ADGB: variants seen among roughly 807,000 people sequenced by gnomAD.
The protein encoded by ADGB is androglobin.
In ADGB, 172 loss-of-function variants were observed where a neutral mutation model predicts 210.5. That is an observed-to-expected ratio of 0.82 (90% confidence interval 0.72 to 0.93). The LOEUF (loss-of-function observed/expected upper bound fraction) is 0.93, where lower values mean the gene tolerates loss of function less well. Ranked by LOEUF, ADGB falls within the 40% of genes least tolerant of loss-of-function variation. The probability of loss-of-function intolerance (pLI) is 0.00; values close to 1 mark genes in which losing one functional copy is unlikely to be tolerated. For synonymous variants in ADGB, 658 were observed against 662.7 expected, an observed-to-expected ratio of 0.99 and a Z score of 0.11; for missense variants, 2,025 against 1,964.8, an observed-to-expected ratio of 1.03 and a Z score of -0.58.
intron 2 of ADGB, among the ~76,000 whole-genome samples, chr6:146,643,746 G>T (rs902677484): frequency 6.6e-6 from 1 of 151,792 alleles, no homozygotes; most frequent in Non-Finnish European, 1.5e-5. Context: ...GCCCAATCCT[G>T]GAAACAGCCC....
intron 19 of ADGB, 121 bp downstream of exon 19, chr6:146,726,318 T>C: frequency 1.7e-6 from 1 of 582,146 alleles, no homozygotes; most frequent in East Asian, 3.1e-5. Flanking sequence ...GCCTTCCAGG[T>C]TCAAGCAATT....
chr6:146,807,150 A>T (rs1778223630), intron 35 of ADGB, among the ~76,000 whole-genome samples: 1 of 152,220 alleles, frequency 6.6e-6, no homozygotes, highest in Admixed American at 6.5e-5. Flanking sequence ...TTGGTAAAAA[A>T]AAGTATGTTT....
intron 13 of ADGB, among the ~76,000 whole-genome samples, chr6:146,708,759 T>C (rs1033563731): frequency 5.3e-5 from 8 of 152,130 alleles, no homozygotes; most frequent in African/African-American, 1.9e-4. Context: ...TTTCCCCAGA[T>C]TTGAGAAGTT....
Position 146,781,199 on chromosome 6 carries a change from C to A in ADGB, c.3863-821C>A, listed in dbSNP as rs553074832. Among the ~76,000 whole-genome samples the A allele has an allele frequency of 1.0e-4, 14 of 137,562 alleles. No homozygotes were observed. The East Asian group carries it at 2.7e-3, about 27-fold the overall frequency. The allele number at this position is 137,562 out of a possible 152,430, so 90.2% of individuals were successfully genotyped here. A position where few individuals can be genotyped will look rare whatever the true frequency, so the allele number is the denominator to read the frequency against. ...AAAAAAAAAAAAAAAAAAAATTAGC[C>A]GGGCGTGGTGGCGGGCACCTGTAGT... On this transcript the variant is annotated intron_variant, in intron 29 of 35. Transcript: ENST00000397944.
At chr6:146,763,810 G>C (rs1016046031) in intron 27 of ADGB, 91 bp from the exon 28 acceptor site, 2 of 1,128,344 alleles carry the variant, frequency 1.8e-6, no homozygotes, top group East Asian at 2.6e-5. Context: ...CTATTCCTTT[G>C]AGTGTTTTAT....
chr6:146,609,764 A>G (rs1198929339), intron 1 of ADGB, among the ~76,000 whole-genome samples: 1 of 152,190 alleles, frequency 6.6e-6, no homozygotes, highest in Non-Finnish European at 1.5e-5. Flanking sequence ...AGGATCTTGA[A>G]TATAGGCCTC....
intron 13 of ADGB, among the ~76,000 whole-genome samples, chr6:146,707,783 T>C (rs1776596148): frequency 6.6e-6 from 1 of 152,122 alleles, no homozygotes; most frequent in Non-Finnish European, 1.5e-5. Flanking sequence ...GTTTTTTAAA[T>C]ACATTTTGCC....
intron 26 of ADGB, among the ~76,000 whole-genome samples, chr6:146,749,230 C>G (rs532166432): frequency 3.9e-5 from 6 of 152,254 alleles, no homozygotes; most frequent in African/African-American, 1.4e-4. Context: ...AGGAAGACAA[C>G]TGATTCCTTT....
chr6:146,674,720 G>A (rs1776063442), intron 8 of ADGB, among the ~76,000 whole-genome samples: 1 of 152,170 alleles, frequency 6.6e-6, no homozygotes, highest in African/African-American at 2.4e-5. Context: ...TATCTCCAGT[G>A]GGACTCAGCT....
rs1180744947 is a variant in ADGB, at chr6:146,736,576, C to A, written c.2873C>A (p.Ala958Glu). 3 of 1,546,576 alleles carry A rather than the reference C, an allele frequency of 1.9e-6. No homozygotes were observed. The highest frequency in any genetic ancestry group is 4.0e-5 in the Admixed American group (2 of 50,470). Residue 958 changes from alanine (A) to glutamate (E), a missense_variant, in exon 23 of 36, where the codon GCA becomes GAA. Ala to Glu is a moderately radical substitution (Grantham distance 107). Transcript: ENST00000397944. Reference protein sequence around the residue: ...AVLEMNLEQYAVSLLRLMFKS... With the variant: ...AVLEMNLEQYEVSLLRLMFKS... Reference sequence around the variant, plus strand: ...TTGGAAATGAATTTAGAACAGTATGCAGTTTCTCTCTTAAGGTAAAGCAGT... The same window carrying A: ...TTGGAAATGAATTTAGAACAGTATGAAGTTTCTCTCTTAAGGTAAAGCAGT...
intron 23 of ADGB, among the ~76,000 whole-genome samples, chr6:146,739,110 GT>G (rs1275367108): frequency 6.6e-6 from 1 of 152,174 alleles, no homozygotes; most frequent in African/African-American, 2.4e-5. Flanking sequence ...AACAGTGACA[GT>G]CTGGGAAGAC....
intron 12 of ADGB, among the ~76,000 whole-genome samples, chr6:146,695,855 A>G (rs2114927328): frequency 6.6e-6 from 1 of 152,204 alleles, no homozygotes. Flanking sequence ...TCATTCATTC[A>G]TATAATGCAA....
chr6:146,727,127 C>T (rs1430593447), intron 19 of ADGB, among the ~76,000 whole-genome samples: 1 of 151,758 alleles, frequency 6.6e-6, no homozygotes, highest in African/African-American at 2.4e-5. Flanking sequence ...TGCAGACAGC[C>T]TTCCCACTGC....
intron 8 of ADGB, 147 bp downstream of exon 8, chr6:146,672,614 G>C (rs1776025585): frequency 1.1e-6 from 1 of 936,450 alleles, no homozygotes; most frequent in Non-Finnish European, 1.5e-6. Context: ...GGAATTCAAG[G>C]CAGGTCACAG....
intron 8 of ADGB, among the ~76,000 whole-genome samples, chr6:146,672,756 G>A (rs1422549823): frequency 4.1e-5 from 6 of 144,820 alleles, no homozygotes; most frequent in Non-Finnish European, 9.0e-5. Flanking sequence ...TTGGGATGTA[G>A]TTGCGCTCTT....
chr6:146,666,080 A>T (rs759865458), intron 6 of ADGB, among the ~76,000 whole-genome samples: 2 of 152,076 alleles, frequency 1.3e-5, no homozygotes, highest in Non-Finnish European at 2.9e-5. Context: ...TGTGACTAAG[A>T]TAGTAAGATT....
chr6:146,664,050 G>T (rs540267751), intron 5 of ADGB, 151 bp from the exon 6 acceptor site: 21 of 702,182 alleles, frequency 3.0e-5, no homozygotes, highest in Middle Eastern at 3.1e-4. Context: ...AACCAGAGTA[G>T]TATTGAAATC....
intron 35 of ADGB, among the ~76,000 whole-genome samples, chr6:146,811,799 G>A (rs1778306751): frequency 6.6e-6 from 1 of 152,058 alleles, no homozygotes; most frequent in African/African-American, 2.4e-5. Flanking sequence ...AGCCTCCTGA[G>A]TAGCTGGGAT....
At chr6:146,809,241 T>TG (rs1277223219) in intron 35 of ADGB, among the ~76,000 whole-genome samples, 12 of 152,304 alleles carry the variant, frequency 7.9e-5, no homozygotes, top group African/African-American at 2.4e-4. Context: ...TCCTAACACT[T>TG]GTTGCCTAGG....
Sources: gnomAD v4.1 joint callset for allele counts (sites outside exome capture counted in the v4.1 genomes callset) on GRCh38, gnomAD v4.1.1 for gene constraint, MANE v1.5 for transcripts, NCBI Gene and HGNC (gene_info 2026-07-23, HGNC 2026-07-21) for gene names.